The following IQSEC1 variants were observed in gnomAD, a reference collection of about 807,000 sequenced individuals.
IQSEC1 encodes the protein IQ motif and SEC7 domain-containing protein 1.
A neutral mutation model predicts 91.0 loss-of-function variants in IQSEC1; 31 were observed. The observed-to-expected ratio is 0.34, with a 90% CI of 0.26 to 0.46. The LOEUF is 0.46. IQSEC1 is among the 20% of genes least tolerant of loss of function. The pLI is 1.00. For synonymous variants in IQSEC1, 699 were observed against 662.6 expected (o/e 1.05, Z -0.84); for missense variants, 1,388 against 1,575.6 (o/e 0.88, Z 2.02).
At chr3:13,151,194 C>A (rs2124959841) in intron 2 of IQSEC1, among the ~76,000 whole-genome samples, 1 of 152,352 alleles carries the variant, frequency 6.6e-6, no homozygotes, top group Non-Finnish European at 1.5e-5. Context: ...TTCTATGTCT[C>A]AGCAGCCACA....
intron 1 of IQSEC1, chr3:13,022,094 C>T (rs767369291): frequency 2.2e-5 from 27 of 1,231,748 alleles, no homozygotes; most frequent in East Asian, 3.2e-5. Context: ...CTGCCATACC[C>T]CTTCATGCCT....
At chr3:13,079,651 CT>C (rs1244841270) in intron 2 of IQSEC1, among the ~76,000 whole-genome samples, 1 of 152,216 alleles carries the variant, frequency 6.6e-6, no homozygotes, top group African/African-American at 2.4e-5. Flanking sequence ...GCATGAGAGG[CT>C]GCAGGTTCTC....
At chr3:12,919,227 C>T (rs1310834754) in intron 6 of IQSEC1, among the ~76,000 whole-genome samples, 1 of 152,236 alleles carries the variant, frequency 6.6e-6, no homozygotes, top group Non-Finnish European at 1.5e-5. Flanking sequence ...GAACTACAGA[C>T]TTGATGGACT....
chr3:12,991,437 C>A (rs1455415631), intron 1 of IQSEC1, among the ~76,000 whole-genome samples: 1 of 152,160 alleles, frequency 6.6e-6, no homozygotes, highest in Non-Finnish European at 1.5e-5. Flanking sequence ...TGCGTGGGAC[C>A]CCAGTCTACA....
At chr3:13,077,552 C>T (rs1263545214), upstream of IQSEC1, among the ~76,000 whole-genome samples, 1 of 152,276 alleles carries the variant, frequency 6.6e-6, no homozygotes, top group Non-Finnish European at 1.5e-5. Context: ...ACCACAGACT[C>T]TTCCATGCTG....
At chr3:12,993,501 G>A in intron 1 of IQSEC1, among the ~76,000 whole-genome samples, 1 of 151,992 alleles carries the variant, frequency 6.6e-6, no homozygotes, top group African/African-American at 2.4e-5. Flanking sequence ...GCAGGGTAGT[G>A]CGGAGTCGGG....
intron 2 of IQSEC1, among the ~76,000 whole-genome samples, chr3:13,093,128 C>T (rs150194372): frequency 0.014 from 2,051 of 146,390 alleles, 50 homozygotes; most frequent in African/African-American, 0.05. Flanking sequence ...CAGGTCCTGC[C>T]CCTGCCCAGG....
intron 1 of IQSEC1, among the ~76,000 whole-genome samples, chr3:12,973,378 G>C (rs932058431): frequency 6.6e-6 from 1 of 152,176 alleles, no homozygotes; most frequent in Admixed American, 6.5e-5. Context: ...CAGCTCAAAT[G>C]TCCCCTTCTC....
intron 5 of IQSEC1, among the ~76,000 whole-genome samples, chr3:12,921,533 G>A (rs1273347236): frequency 1.3e-5 from 2 of 152,282 alleles, no homozygotes; most frequent in African/African-American, 4.8e-5. Context: ...TGGGCTAAGT[G>A]TGCCCACATG....
intron 1 of IQSEC1, among the ~76,000 whole-genome samples, chr3:13,217,692 T>A (rs1694576782): frequency 6.6e-6 from 1 of 152,236 alleles, no homozygotes; most frequent in Admixed American, 6.5e-5. Flanking sequence ...TATTTTCCTT[T>A]AAATTGCCTC....
At position 13,198,787 on chromosome 3, in the gene IQSEC1, A is replaced by G. The variant is rs184575849; in HGVS notation, c.273-34654T>C. On this transcript the variant is annotated intron_variant, in intron 1 of 15. Coordinates refer to the IQSEC1 transcript ENST00000648114. ...CCCAAAGCACCCAACACAGCAAGGC[A>G]CGTGGGAGCTGAAGCCAGTGCCTGC... Among the ~76,000 whole-genome samples, 7 of 152,346 alleles carry G rather than the reference A, an allele frequency of 4.6e-5. No homozygotes were observed. The East Asian group carries it at 1.4e-3, about 29-fold the overall frequency.
rs748065641 is a variant in IQSEC1 at position 12,936,629 on chromosome 3, C to T, written c.387G>A (p.Thr129=). 77 of 1,611,472 alleles carry T rather than the reference C, an allele frequency of 4.8e-5. No homozygotes were observed. The highest frequency in any genetic ancestry group is 1.8e-4 in the South Asian group (16 of 90,726). The change falls in exon 3 of 14, where the codon ACG becomes ACA. Residue 129 remains threonine (T), a synonymous_variant. Transcript: ENST00000613206. ...TGTTCATCTGGTACTGGCGAAACGC[C>T]GTCTGGATGGTGCGGGCCGCATGGC... ...VTRHAARTIQ[T]AFRQYQMNKN... is the part of the protein sequence containing the mutation.
chr3:13,053,009 G>T, intron 1 of IQSEC1: 1 of 1,195,730 alleles, frequency 8.4e-7, no homozygotes, highest in Non-Finnish European at 1.2e-6. Flanking sequence ...TCCTTTTGGA[G>T]TTGTGCCTGA....
chr3:13,236,032 T>C (rs912954034), intron 1 of IQSEC1, among the ~76,000 whole-genome samples: 16 of 152,132 alleles, frequency 1.1e-4, no homozygotes, highest in African/African-American at 3.4e-4. Flanking sequence ...AGTGAATGGA[T>C]CTTGCCCCAT....
chr3:12,902,943 G>C, intron 12 of IQSEC1, 121 bp from the exon 13 acceptor site: 1 of 767,340 alleles, frequency 1.3e-6, no homozygotes, highest in Non-Finnish European at 2.3e-6. Flanking sequence ...ACAGGTGCCG[G>C]GCCCACCTGC....
In IQSEC1 at chr3:12,899,943, G is replaced by A. The variant is rs1694061192; in HGVS notation, c.*1040C>T. 16 of 985,174 alleles carry A rather than the reference G, an allele frequency of 1.6e-5. No individual in the cohort carries two copies. Among genetic ancestry groups the A allele is most frequent in the Non-Finnish European group, 1.9e-5 (16 of 829,884 alleles). The allele number at this position is 985,174 out of a possible 1,614,324, so 61.0% of individuals were successfully genotyped here. ...CTCTCGGAGGACTCTGAATGAGTGT[G>A]CGTCAAATCATATGCGCATAAAAGA... On this transcript the variant is annotated 3_prime_UTR_variant, in exon 14 of 14. Transcript: ENST00000613206.
intron 2 of IQSEC1, among the ~76,000 whole-genome samples, chr3:13,085,819 G>A (rs1705726709): frequency 2.0e-5 from 3 of 152,242 alleles, no homozygotes; most frequent in South Asian, 2.1e-4. Flanking sequence ...CGGCCAATGC[G>A]AGGCTCTCGA....
At chr3:13,134,278 C>T (rs1350059762) in intron 2 of IQSEC1, among the ~76,000 whole-genome samples, 1 of 152,224 alleles carries the variant, frequency 6.6e-6, no homozygotes, top group East Asian at 1.9e-4. Flanking sequence ...TGTTCTCAGC[C>T]ACCTTTGACC....
At chr3:13,135,718 A>G (rs571054460) in intron 2 of IQSEC1, among the ~76,000 whole-genome samples, 3 of 152,276 alleles carry the variant, frequency 2.0e-5, no homozygotes, top group Non-Finnish European at 4.4e-5. Flanking sequence ...GGAGGGGACG[A>G]GCCAGGGAAT....
Sources: allele counts gnomAD v4.1 joint callset (sites outside exome capture counted in the v4.1 genomes callset), GRCh38; gene constraint gnomAD v4.1.1; transcripts MANE v1.5; gene names NCBI Gene and HGNC (gene_info 2026-07-23, HGNC 2026-07-21).